CRLF1: variants seen among roughly 807,000 people sequenced by gnomAD.
CRLF1 encodes cytokine receptor like factor 1.
A neutral mutation model predicts 48.9 loss-of-function variants in CRLF1; 36 were observed. That is an observed-to-expected ratio of 0.74 (90% confidence interval 0.56 to 0.97). The LOEUF (loss-of-function observed/expected upper bound fraction) is 0.97. Ranked by LOEUF, CRLF1 falls within the 50% of genes least tolerant of loss-of-function variation. The pLI, the probability that CRLF1 is intolerant of heterozygous loss-of-function variation, is 0.00. For synonymous variants in CRLF1, 256 were observed against 253.4 expected, an observed-to-expected ratio of 1.01 and a Z score of -0.10; for missense variants, 534 against 575.1, an observed-to-expected ratio of 0.93 and a Z score of 0.73.
At chr19:18,601,023 C>G (rs983704755) in intron 1 of CRLF1, among the ~76,000 whole-genome samples, 1 of 152,118 alleles carries the variant, frequency 6.6e-6, no homozygotes, top group Non-Finnish European at 1.5e-5. Flanking sequence ...TCAGGCCGGT[C>G]TTGAACTCCT....
intron 2 of CRLF1, among the ~76,000 whole-genome samples, chr19:18,599,302 C>T (rs967279003): frequency 6.6e-6 from 1 of 152,106 alleles, no homozygotes; most frequent in African/African-American, 2.4e-5. Flanking sequence ...GATGGGGTTT[C>T]GCCATGTAGG....
At position 18,594,123 on chromosome 19, in the gene CRLF1, A is replaced by G. The variant is rs1206664916; in HGVS notation, c.1213-16T>C. 1.9e-6 allele frequency: 3 copies of G among 1,542,084 alleles called. No individual in the cohort carries two copies. The highest frequency in any genetic ancestry group is 1.4e-5 in the African/African-American group (1 of 72,266). On this transcript the variant is annotated splice_polypyrimidine_tract_variant and intron_variant, in intron 7 of 8. Coordinates refer to ENST00000392386, the MANE Select transcript of CRLF1 (RefSeq NM_004750.5). The stretch of plus-strand genomic sequence containing the variant: ...TCCCCTCGTCCTGTGCTTGGAAGGA[A>G]GGCAGAGGTGTCGTGGGGGCTGCAG...
rs1976140028 is a variant in CRLF1 at position 18,596,759 on chromosome 19, CAGG to C, written c.884_886del (p.Ser295del). The stretch of plus-strand genomic sequence containing the variant: ...GCCGGGTTTCAGGCCGGCCAGGCGG[CAGG>C]AGGTCTGGTTGCTCACATCGTCCAC... On this transcript the variant is annotated inframe_deletion, in exon 6 of 9. Coordinates refer to ENST00000392386, the MANE Select transcript of CRLF1 (RefSeq NM_004750.5). The C allele has an allele frequency of 6.2e-7, 1 of 1,613,824 alleles. No homozygotes were observed. Among genetic ancestry groups the C allele is most frequent in the African/African-American group, 1.3e-5 (1 of 74,858 alleles).
At position 18,596,647 on chromosome 19, in the gene CRLF1, G is replaced by T. The variant is rs766994193; in HGVS notation, c.999C>A (p.Pro333=). ...CACTGCGGGGAGTGGAGGCGGCTGT[G>T]GGGTGGCTCCACTCACTCCAGATCC... The part of the protein sequence containing the change: ...KAGIWSEWSH[P]TAASTPRSER... The change falls in exon 6 of 9, where the codon CCC becomes CCA. Residue 333 remains proline (P), a synonymous_variant. Coordinates refer to ENST00000392386, the MANE Select transcript of CRLF1 (RefSeq NM_004750.5). 1.2e-6 allele frequency: 2 copies of T among 1,613,886 alleles called. No homozygotes were observed. The highest frequency in any genetic ancestry group is 1.7e-5 in the Admixed American group (1 of 60,014).
At position 18,593,514 on chromosome 19, in the gene CRLF1, T is replaced by C; in HGVS notation, c.*52A>G. ...GGTACAGAGGTGGCCCCAGTTTGGG[T>C]TCGGCCTCTGCGTCTCCACGTGGCA... On this transcript the variant is annotated 3_prime_UTR_variant, in exon 9 of 9. Coordinates refer to ENST00000392386, the MANE Select transcript of CRLF1 (RefSeq NM_004750.5). 5 of 1,605,606 alleles carry C rather than the reference T, an allele frequency of 3.1e-6. No homozygotes were observed. The highest frequency in any genetic ancestry group is 4.2e-6 in the Non-Finnish European group (5 of 1,176,524).
rs1259872109 is a variant in CRLF1, at chr19:18,594,410, G to A, written c.1049C>T (p.Ala350Val). The A allele has an allele frequency of 6.5e-7, 1 of 1,535,598 alleles. No homozygotes were observed. Among genetic ancestry groups the A allele is most frequent in the Admixed American group, 2.0e-5 (1 of 49,564 alleles). The part of the protein sequence containing the change: ...RSERPGPGGG[A>V]CEPRGGEPSS... Reference sequence around the variant, plus strand: ...CGGCTCTCCGCCCCGCGGTTCGCACGCCCCGCCGCCCGGGCCCGGGCGCTC... The same window carrying A: ...CGGCTCTCCGCCCCGCGGTTCGCACACCCCGCCGCCCGGGCCCGGGCGCTC... Residue 350 changes from alanine (A) to valine (V), a missense_variant, in exon 7 of 9, where the codon GCG (alanine) becomes GTG (valine). Around this residue, in one of 2 missense-constraint regions of CRLF1, gnomAD observed 528 missense variants for 555.7 expected, o/e 0.95. Coordinates refer to ENST00000392386, the MANE Select transcript of CRLF1 (RefSeq NM_004750.5).
In CRLF1 at chr19:18,599,637, G is replaced by T. The variant is rs551665120; in HGVS notation, c.325C>A (p.Arg109=). 1 of 1,613,394 alleles carries T rather than the reference G, an allele frequency of 6.2e-7. No homozygotes were observed. Among genetic ancestry groups the T allele is most frequent in the South Asian group, 1.1e-5 (1 of 91,052 alleles). The change falls in exon 2 of 9, where the codon CGG becomes AGG. Residue 109 remains arginine, a synonymous_variant. Coordinates refer to ENST00000392386, the MANE Select transcript of CRLF1 (RefSeq NM_004750.5). ...ALANLNGSRQ[R]SGDNLVCHAR... ...TGGCACACGAGGTTGTCCCCCGACC[G>T]CTGCCTGGACCCATTGAGGTTGGCC...
At chr19:18,594,032 T>TTGGGGCA in intron 8 of CRLF1, 33 bp downstream of exon 8, 1 of 695,808 alleles carries the variant, frequency 1.4e-6, no homozygotes, top group Non-Finnish European at 2.2e-6. Flanking sequence ...CTCCCCTTGC[T>TTGGGGCA]CCCTCCCGCC....
In CRLF1 at chr19:18,606,340, C is replaced by A. The variant is rs1378684525; in HGVS notation, c.115+202G>T. Among the ~76,000 whole-genome samples the A allele has an allele frequency of 3.3e-5, 5 of 150,846 alleles. No homozygotes were observed. Among genetic ancestry groups the A allele is most frequent in the African/African-American group, 4.9e-5 (2 of 41,178 alleles). On this transcript the variant is annotated intron_variant, in intron 1 of 8. Coordinates refer to ENST00000392386, the MANE Select transcript of CRLF1 (RefSeq NM_004750.5). This position sits in a 1 kb window ranked among gnomAD's most constrained non-coding sequence, Gnocchi z 4.8. ...GCTGCCCAGGTAACAGGGCCTCGGGCGCGGAAGCAGGACTCTCTGGACAGT... is the reference window on the plus strand; with the variant it reads ...GCTGCCCAGGTAACAGGGCCTCGGGAGCGGAAGCAGGACTCTCTGGACAGT...
chr19:18,597,000 C>A lies in CRLF1; in HGVS notation c.747G>T (p.Leu249=), dbSNP rs769181592. The change falls in exon 5 of 9, where the codon CTG becomes CTT. Residue 249 remains leucine (L), a synonymous_variant. Transcript: ENST00000392386. ...CCCAGCGCACGCTCAGCTGGTCCTC[C>A]AGGCCCCCGACGCGGCTCACGTGCA... ...PDVHVSRVGG[L]EDQLSVRWVS... 6.2e-7 allele frequency: 1 copy of A among 1,613,648 alleles called. No individual in the cohort carries two copies. Among genetic ancestry groups the A allele is most frequent in the Non-Finnish European group, 8.5e-7 (1 of 1,179,974 alleles).
intron 8 of CRLF1, 138 bp downstream of exon 8, chr19:18,593,927 A>G (rs1976090508): frequency 6.8e-7 from 1 of 1,474,318 alleles, no homozygotes; most frequent in African/African-American, 1.4e-5. Flanking sequence ...CTGATGAATA[A>G]CAAAGGAAGA....
intron 8 of CRLF1, 33 bp downstream of exon 8, chr19:18,594,032 T>TTGGCCAC: frequency 4.3e-6 from 3 of 695,810 alleles, no homozygotes; most frequent in Non-Finnish European, 6.6e-6. Context: ...CTCCCCTTGC[T>TTGGCCAC]CCCTCCCGCC....
chr19:18,603,227 G>A (rs1293957153), intron 1 of CRLF1, among the ~76,000 whole-genome samples: 1 of 152,230 alleles, frequency 6.6e-6, no homozygotes, highest in African/African-American at 2.4e-5. Flanking sequence ...GCAGGAAAAA[G>A]GAATAAATAA....
intron 1 of CRLF1, among the ~76,000 whole-genome samples, chr19:18,603,810 C>T (rs930665172): frequency 1.3e-5 from 2 of 151,932 alleles, no homozygotes; most frequent in African/African-American, 4.8e-5. Context: ...TGGGGCTTGG[C>T]CCAGGGCTCG....
intron 2 of CRLF1, 146 bp from the exon 3 acceptor site, chr19:18,599,047 C>T (rs1326419114): frequency 2.9e-5 from 43 of 1,497,432 alleles, no homozygotes; most frequent in Non-Finnish European, 6.2e-6. Flanking sequence ...CTGAGAAATG[C>T]CAGCACAGTT....
rs1374808637 is a variant in CRLF1 at position 18,606,259 on chromosome 19, G to T, written c.115+283C>A. 6.6e-6 allele frequency among the ~76,000 whole-genome samples: 1 copy of T among 151,748 alleles called. No individual in the cohort carries two copies. The highest frequency in any genetic ancestry group is 1.5e-5 in the Non-Finnish European group (1 of 67,828). ...CCCGCCACGTCCTGGCATGCAGAGG[G>T]TCTCAGGCCGCGATCCCCCCAGCCC... On this transcript the variant is annotated intron_variant, in intron 1 of 8. Coordinates refer to ENST00000392386, the MANE Select transcript of CRLF1 (RefSeq NM_004750.5). This position sits in a 1 kb window ranked among gnomAD's most constrained non-coding sequence, Gnocchi z 4.8.
chr19:18,595,622 C>T (rs1412124793), intron 6 of CRLF1, among the ~76,000 whole-genome samples: 3 of 152,244 alleles, frequency 2.0e-5, no homozygotes, highest in Admixed American at 1.3e-4. Flanking sequence ...TTAGGTGGCA[C>T]CCACCATGTG....
chr19:18,597,128 T>G, intron 4 of CRLF1, 79 bp from the exon 5 acceptor site: 2 of 1,470,338 alleles, frequency 1.4e-6, no homozygotes, highest in Non-Finnish European at 1.8e-6. Flanking sequence ...CCAGGGCACT[T>G]GGCCTAGATG....
rs1388094205 is a variant in CRLF1, at chr19:18,598,917, G to A, written c.398-16C>T. On this transcript the variant is annotated splice_polypyrimidine_tract_variant and intron_variant, in intron 2 of 8. Transcript: ENST00000392386. The stretch of plus-strand genomic sequence containing the variant: ...TCTGGGGGCACTGGGAGAAGGGGAG[G>A]GTGCAGGAAGCAGGCTGAGGGTCTG... 6 of 1,613,324 alleles carry A rather than the reference G, an allele frequency of 3.7e-6. No individual in the cohort carries two copies. The highest frequency in any genetic ancestry group is 5.1e-6 in the Non-Finnish European group (6 of 1,179,780).
Sources: allele counts gnomAD v4.1 joint callset (sites outside exome capture counted in the v4.1 genomes callset), GRCh38; gene constraint gnomAD v4.1.1; regional missense constraint gnomAD v4.1.1; non-coding constraint Gnocchi (gnomAD v3.1); transcripts MANE v1.5; gene names NCBI Gene and HGNC (gene_info 2026-07-23, HGNC 2026-07-21).